P4HA3: variants seen among roughly 807,000 people sequenced by gnomAD.
P4HA3 encodes prolyl 4-hydroxylase subunit alpha 3.
Under a neutral mutation model 66.7 loss-of-function variants are expected in P4HA3, and 60 were observed. The ratio of observed to expected loss-of-function variants is 0.90; its 90% confidence interval spans 0.73 to 1.12. The LOEUF (loss-of-function observed/expected upper bound fraction) is 1.12. Among genes scored for constraint, P4HA3 ranks in the 50% most tolerant of loss-of-function variants. P4HA3 has a pLI of 0.00. For missense variants in P4HA3, 683 were observed against 685.8 expected (o/e 1.00, Z 0.05); for synonymous variants, 263 against 274.6 (o/e 0.96, Z 0.42).
intron 15 of P4HA3, chr11:74,253,833 A>G (rs548513457): frequency 2.1e-6 from 1 of 487,242 alleles, no homozygotes; most frequent in South Asian, 3.1e-5. Context: ...CCCTCTTCCT[A>G]GCATCAGGCG....
chr11:74,273,884 C>T (rs1565406565), intron 9 of P4HA3, among the ~76,000 whole-genome samples: 1 of 151,968 alleles, frequency 6.6e-6, no homozygotes, highest in Non-Finnish European at 1.5e-5. Flanking sequence ...GGGTTAATTG[C>T]ACCTTTGAGT....
At chr11:74,298,985 T>C (rs191391630) in intron 3 of P4HA3, among the ~76,000 whole-genome samples, 1 of 152,354 alleles carries the variant, frequency 6.6e-6, no homozygotes, top group Admixed American at 6.5e-5. Context: ...ATTACATTCA[T>C]TCATTCATTC....
chr11:74,265,608 C>T (rs1293363727), downstream of P4HA3, among the ~76,000 whole-genome samples: 3 of 152,226 alleles, frequency 2.0e-5, no homozygotes, highest in African/African-American at 7.2e-5. Flanking sequence ...GTAGCCTTAG[C>T]CCCTGCTAGA....
chr11:74,264,396 C>T (rs1019150850), downstream of P4HA3, among the ~76,000 whole-genome samples: 1 of 152,216 alleles, frequency 6.6e-6, no homozygotes, highest in Admixed American at 6.5e-5. Context: ...GTCTCTCCTT[C>T]TCAGCCTCTA....
intron 4 of P4HA3, among the ~76,000 whole-genome samples, chr11:74,291,033 G>A (rs183713948): frequency 0.013 from 2,036 of 152,196 alleles, 47 homozygotes; most frequent in African/African-American, 0.044. Flanking sequence ...AATTACTTTG[G>A]GCAGTATGGC....
In P4HA3 at chr11:74,285,658, C is replaced by T. The variant is rs908865861; in HGVS notation, c.1110+151G>A. On this transcript the variant is annotated intron_variant, in intron 7 of 12. Coordinates refer to ENST00000331597, the MANE Select transcript of P4HA3 (RefSeq NM_182904.5). The stretch of plus-strand genomic sequence containing the variant: ...GGCAAGCACTATTGTGATTTTTTTC[C>T]ACCATGGACTAGTTTTATGGAATGG... 1.3e-5 allele frequency: 10 copies of T among 770,418 alleles called. No individual in the cohort carries two copies. In the Admixed American group the frequency reaches 2.7e-4, roughly 20 times the overall value. The allele number at this position is 770,418 out of a possible 1,614,324, so 47.7% of individuals were successfully genotyped here. A position where few individuals can be genotyped will look rare whatever the true frequency, so the allele number is the denominator to read the frequency against.
chr11:74,257,945 G>A (rs1230737984), intron 15 of P4HA3, among the ~76,000 whole-genome samples: 3 of 152,148 alleles, frequency 2.0e-5, no homozygotes, highest in African/African-American at 4.8e-5. Flanking sequence ...TTGGATGCAG[G>A]GGCCTGTCAT....
intron 4 of P4HA3, among the ~76,000 whole-genome samples, chr11:74,295,160 T>C (rs1861174456): frequency 6.6e-6 from 1 of 152,200 alleles, no homozygotes; most frequent in Non-Finnish European, 1.5e-5. Flanking sequence ...TTAAATATAT[T>C]TAACCCAATG....
intron 1 of P4HA3, among the ~76,000 whole-genome samples, chr11:74,307,650 G>C (rs1861615459): frequency 6.6e-6 from 1 of 152,212 alleles, no homozygotes; most frequent in Non-Finnish European, 1.5e-5. Flanking sequence ...ACTGGATGCT[G>C]AATTCAAACC....
In P4HA3 at chr11:74,298,333, T is replaced by A. The variant is rs571373297; in HGVS notation, c.596A>T (p.His199Leu). 6.2e-7 allele frequency: 1 copy of A among 1,613,948 alleles called. No individual in the cohort carries two copies. The highest frequency in any genetic ancestry group is 1.3e-5 in the African/African-American group (1 of 75,036). Residue 199 changes from histidine to leucine, a missense_variant, in exon 4 of 13, where the codon CAT (histidine) becomes CTT (leucine). Coordinates refer to ENST00000331597, the MANE Select transcript of P4HA3 (RefSeq NM_182904.5). Reference protein sequence around the residue: ...KVAYDMGDYYHAIPWLEEAVS... With the variant: ...KVAYDMGDYYLAIPWLEEAVS... Reference sequence around the variant, plus strand: ...AGCCTCCTCCAGCCATGGAATGGCATGGTAATAATCCCCCATGTCATAGGC... The same window carrying A: ...AGCCTCCTCCAGCCATGGAATGGCAAGGTAATAATCCCCCATGTCATAGGC...
intron 8 of P4HA3, among the ~76,000 whole-genome samples, chr11:74,277,550 G>A (rs1252865365): frequency 3.3e-5 from 5 of 152,078 alleles, no homozygotes; most frequent in Non-Finnish European, 7.4e-5. Flanking sequence ...CCTCTCTAAG[G>A]GTCAGTGTGT....
Position 74,276,990 on chromosome 11 carries a change from C to A in P4HA3, c.1330G>T (p.Ala444Ser). 1 of 1,613,014 alleles carries A rather than the reference C, an allele frequency of 6.2e-7. No homozygotes were observed. Among genetic ancestry groups the A allele is most frequent in the Non-Finnish European group, 8.5e-7 (1 of 1,179,324 alleles). ...GTCATTGACTCCACCATTACCGTAGCATGGTCAAAGTGAGGCTCATAGTGT... is the reference window on the plus strand; with the variant it reads ...GTCATTGACTCCACCATTACCGTAGAATGGTCAAAGTGAGGCTCATAGTGT... ...GGHYEPHFDH[A>S]TSPSSPLYRM... The change falls in exon 9 of 13, where the codon GCT (alanine) becomes TCT (serine). Residue 444 changes from alanine (A) to serine (S), a missense_variant. Ala to Ser is a moderately conservative substitution (Grantham distance 99). Transcript: ENST00000331597.
At chr11:74,304,939 A>C (rs1318707917) in intron 1 of P4HA3, among the ~76,000 whole-genome samples, 1 of 152,140 alleles carries the variant, frequency 6.6e-6, no homozygotes, top group African/African-American at 2.4e-5. Flanking sequence ...ATCAGGTACC[A>C]GTTAGATTCC....
intron 1 of P4HA3, among the ~76,000 whole-genome samples, chr11:74,306,318 T>C (rs1861580054): frequency 6.6e-6 from 1 of 152,186 alleles, no homozygotes; most frequent in Non-Finnish European, 1.5e-5. Flanking sequence ...TTCAACAGTG[T>C]TTATATAGGC....
At chr11:74,254,822 T>C (rs1187442714) in intron 15 of P4HA3, 2 of 152,534 alleles carry the variant, frequency 1.3e-5, no homozygotes, top group African/African-American at 4.8e-5. Context: ...AGCCCTTCAG[T>C]GTGTTATGCT....
At chr11:74,296,693 G>GAAACA (rs1861223483) in intron 4 of P4HA3, among the ~76,000 whole-genome samples, 2 of 152,120 alleles carry the variant, frequency 1.3e-5, no homozygotes, top group African/African-American at 4.8e-5. Flanking sequence ...GAGTTAGAGG[G>GAAACA]AAACAAAACA....
chr11:74,298,129 T>G, intron 4 of P4HA3, 83 bp downstream of exon 4: 4 of 1,502,136 alleles, frequency 2.7e-6, no homozygotes, highest in Non-Finnish European at 3.6e-6. Context: ...GATGAAGACA[T>G]GAAAATACTT....
chr11:74,270,911 T>G (rs1860172952), intron 10 of P4HA3, among the ~76,000 whole-genome samples: 1 of 152,238 alleles, frequency 6.6e-6, no homozygotes. Context: ...TTGGATTGTT[T>G]TCATAGGAAA....
intron 7 of P4HA3, among the ~76,000 whole-genome samples, chr11:74,282,169 C>G (rs1019156871): frequency 7.9e-5 from 12 of 151,402 alleles, no homozygotes; most frequent in Non-Finnish European, 1.6e-4. Flanking sequence ...GGAATCCCCC[C>G]CATCCCAAAT....
Sources: gnomAD v4.1 joint callset for allele counts (sites outside exome capture counted in the v4.1 genomes callset) on GRCh38, gnomAD v4.1.1 for gene constraint, MANE v1.5 for transcripts, NCBI Gene and HGNC (gene_info 2026-07-23, HGNC 2026-07-21) for gene names.